ANKRD31: variants seen among roughly 807,000 people sequenced by gnomAD.
ANKRD31 encodes the protein ankyrin repeat domain 31.
Under a neutral mutation model 186.0 loss-of-function variants are expected in ANKRD31, and 147 were observed. The ratio of observed to expected loss-of-function variants is 0.79; its 90% confidence interval spans 0.69 to 0.91. The LOEUF is 0.91. ANKRD31 is among the 40% of genes least tolerant of loss of function. ANKRD31 has a pLI of 0.00. For synonymous variants in ANKRD31, 673 were observed against 736.4 expected, an observed-to-expected ratio of 0.91 and a Z score of 1.39; for missense variants, 1,986 against 2,148.8, an observed-to-expected ratio of 0.92 and a Z score of 1.50.
intron 19 of ANKRD31, among the ~76,000 whole-genome samples, chr5:75,115,296 A>G (rs1188969942): frequency 1.1e-4 from 17 of 151,834 alleles, no homozygotes; most frequent in African/African-American, 3.9e-4. Context: ...ACCTAAAACC[A>G]TAAAAACCCT....
At chr5:75,179,107 T>C (rs1381689560) in intron 10 of ANKRD31, among the ~76,000 whole-genome samples, 3 of 152,016 alleles carry the variant, frequency 2.0e-5, no homozygotes, top group Non-Finnish European at 1.5e-5. Flanking sequence ...TATAAACACC[T>C]CTATGCAAAT....
intron 2 of ANKRD31, among the ~76,000 whole-genome samples, chr5:75,226,858 G>C (rs769320552): frequency 2.0e-5 from 3 of 152,160 alleles, no homozygotes; most frequent in Non-Finnish European, 4.4e-5. Context: ...AGAATAGTTT[G>C]GCAATCCCTC....
At chr5:75,181,226 C>G (rs1043241861) in intron 10 of ANKRD31, among the ~76,000 whole-genome samples, 4 of 152,090 alleles carry the variant, frequency 2.6e-5, no homozygotes, top group Non-Finnish European at 5.9e-5. Context: ...ATTAAAAAGT[C>G]AGGAAACAAC....
At chr5:75,099,534 G>C (rs764371056) in intron 22 of ANKRD31, among the ~76,000 whole-genome samples, 7 of 152,154 alleles carry the variant, frequency 4.6e-5, no homozygotes, top group Non-Finnish European at 1.0e-4. Context: ...ACCTCTGATA[G>C]AACTCAGCTG....
intron 3 of ANKRD31, among the ~76,000 whole-genome samples, chr5:75,217,471 T>C (rs1245957525): frequency 6.6e-6 from 1 of 152,198 alleles, no homozygotes; most frequent in Non-Finnish European, 1.5e-5. Flanking sequence ...TACCATTAAG[T>C]AATGCCCTTC....
Position 75,107,612 on chromosome 5 carries a change from A to T in ANKRD31, c.4249T>A (p.Tyr1417Asn), listed in dbSNP as rs1378622374. Residue 1417 changes from tyrosine to asparagine, a missense_variant, in exon 21 of 26, where the codon TAC (tyrosine) becomes AAC (asparagine). Tyr to Asn is a moderately radical substitution (Grantham distance 143). Coordinates refer to ENST00000506364, the MANE Select transcript of ANKRD31 (RefSeq NM_001372053.1). The stretch of plus-strand genomic sequence containing the variant: ...TTTATCTTTAACATCTTTTCAATGT[A>T]TTGTTCTAGAAACATGACAATAAAA... ...EIRNPEDAEQYIEKMLKIKKI... is the reference protein window; with the variant it reads ...EIRNPEDAEQNIEKMLKIKKI... 1 of 1,508,440 alleles carries T rather than the reference A, an allele frequency of 6.6e-7. No individual in the cohort carries two copies. Among genetic ancestry groups the T allele is most frequent in the Admixed American group, 2.1e-5 (1 of 47,430 alleles). The allele number at this position is 1,508,440 out of a possible 1,614,324, so 93.4% of individuals were successfully genotyped here.
At chr5:75,174,361 A>G (rs1753598478) in intron 10 of ANKRD31, among the ~76,000 whole-genome samples, 1 of 152,192 alleles carries the variant, frequency 6.6e-6, no homozygotes, top group African/African-American at 2.4e-5. Context: ...TGGCAACAAA[A>G]GCCAAAATAG....
chr5:75,214,665 A>G (rs1756859546), intron 3 of ANKRD31, among the ~76,000 whole-genome samples: 1 of 152,194 alleles, frequency 6.6e-6, no homozygotes, highest in South Asian at 2.1e-4. Context: ...TTTAATGCTC[A>G]TTTTAACTGA....
At chr5:75,103,915 C>T (rs113502332) in intron 22 of ANKRD31, among the ~76,000 whole-genome samples, 20,116 of 152,118 alleles carry the variant, frequency 0.13, 1,477 homozygotes, top group Middle Eastern at 0.26. Flanking sequence ...TTAATACCTA[C>T]GTTATGGGTT....
chr5:75,143,367 C>T (rs1751193175), intron 15 of ANKRD31, among the ~76,000 whole-genome samples: 1 of 152,038 alleles, frequency 6.6e-6, no homozygotes, highest in Non-Finnish European at 1.5e-5. Context: ...GGGGGGCCAG[C>T]ATTCAACCCA....
intron 5 of ANKRD31, 68 bp from the exon 6 acceptor site, chr5:75,199,742 C>T (rs1228548828): frequency 1.6e-6 from 2 of 1,266,596 alleles, no homozygotes; most frequent in African/African-American, 1.5e-5. Context: ...TCTCAGTTGA[C>T]ATTTCATAAT....
chr5:75,152,520 A>G (rs1751908300), intron 12 of ANKRD31, among the ~76,000 whole-genome samples: 1 of 152,072 alleles, frequency 6.6e-6, no homozygotes, highest in South Asian at 2.1e-4. Context: ...GGGAGAAAAT[A>G]TCTGTTGGGG....
intron 23 of ANKRD31, 40 bp from the exon 24 acceptor site, chr5:75,084,414 C>T: frequency 7.3e-7 from 1 of 1,366,344 alleles, no homozygotes. Flanking sequence ...ATCATACATT[C>T]TGTAAGAAGG....
chr5:75,076,472 G>A (rs1391629328), intron 25 of ANKRD31, among the ~76,000 whole-genome samples: 1 of 152,156 alleles, frequency 6.6e-6, no homozygotes, highest in African/African-American at 2.4e-5. Context: ...ATAGGACAAG[G>A]AGCATCCATG....
Position 75,147,263 on chromosome 5 carries a change from G to A in ANKRD31, c.2148C>T (p.Asn716=), listed in dbSNP as rs370259413. 2.1e-4 allele frequency: 328 copies of A among 1,535,874 alleles called. No individual in the cohort carries two copies. The highest frequency in any genetic ancestry group is 2.6e-4 in the Non-Finnish European group (303 of 1,146,224). The change falls in exon 14 of 26, where the codon AAC becomes AAT. Residue 716 remains asparagine (N), a synonymous_variant. Coordinates refer to ENST00000506364, the MANE Select transcript of ANKRD31 (RefSeq NM_001372053.1). ...GTACGTTTGTGTTGGGATCTTTGACGTTATGGAGATTGCCCTTTCTGAGTC... is the reference window on the plus strand; with the variant it reads ...GTACGTTTGTGTTGGGATCTTTGACATTATGGAGATTGCCCTTTCTGAGTC... ...STGLRKGNLH[N]VKDPNTNVPK...
chr5:75,192,032 T>A (rs947993307), intron 9 of ANKRD31, among the ~76,000 whole-genome samples: 2 of 152,126 alleles, frequency 1.3e-5, no homozygotes, highest in African/African-American at 2.4e-5. Flanking sequence ...TCCAGACACA[T>A]GTATACATAA....
At chr5:75,101,929 A>G (rs557675001) in intron 22 of ANKRD31, among the ~76,000 whole-genome samples, 1 of 152,034 alleles carries the variant, frequency 6.6e-6, no homozygotes, top group Admixed American at 6.6e-5. Context: ...CCTTCTCTCA[A>G]CTTGTCAAAG....
At chr5:75,231,617 G>A (rs1757954093) in intron 1 of ANKRD31, among the ~76,000 whole-genome samples, 1 of 151,966 alleles carries the variant, frequency 6.6e-6, no homozygotes, top group African/African-American at 2.4e-5. Context: ...CTGCAAAAAC[G>A]AAATACAAAT....
chr5:75,112,856 A>G (rs572991808), intron 19 of ANKRD31, among the ~76,000 whole-genome samples: 1 of 152,202 alleles, frequency 6.6e-6, no homozygotes, highest in African/African-American at 2.4e-5. Context: ...AGTAGCAATC[A>G]CAAGAAATCA....
Sources: allele counts gnomAD v4.1 joint callset (sites outside exome capture counted in the v4.1 genomes callset), GRCh38; gene constraint gnomAD v4.1.1; transcripts MANE v1.5; gene names NCBI Gene and HGNC (gene_info 2026-07-23, HGNC 2026-07-21).